The following TFCP2 variants were observed in gnomAD, a reference collection of about 807,000 sequenced individuals.
TFCP2 encodes the protein transcription factor CP2.
TFCP2 carries 33 observed loss-of-function variants against 73.4 expected under a neutral mutation model. The ratio of observed to expected loss-of-function variants is 0.45; its 90% confidence interval spans 0.34 to 0.60. The LOEUF is 0.60. Ranked by LOEUF, TFCP2 falls within the 20% of genes least tolerant of loss-of-function variation. The pLI, the probability that TFCP2 is intolerant of heterozygous loss-of-function variation, is 0.01. For synonymous variants in TFCP2, 193 were observed against 211.6 expected, an observed-to-expected ratio of 0.91 and a Z score of 0.76; for missense variants, 352 against 604.0, an observed-to-expected ratio of 0.58 and a Z score of 4.37.
chr12:51,106,223 G>A (rs1940236149), intron 8 of TFCP2, among the ~76,000 whole-genome samples: 2 of 152,110 alleles, frequency 1.3e-5, no homozygotes, highest in African/African-American at 2.4e-5. Context: ...GTAATAGGGA[G>A]AGGCAAAAAG....
chr12:51,165,226 A>G (rs1941731773), intron 1 of TFCP2, among the ~76,000 whole-genome samples: 1 of 152,116 alleles, frequency 6.6e-6, no homozygotes, highest in Admixed American at 6.6e-5. Context: ...ATAAACCAAT[A>G]TCCCATATGA....
At chr12:51,119,006 T>C (rs1940596815) in intron 1 of TFCP2, among the ~76,000 whole-genome samples, 2 of 152,218 alleles carry the variant, frequency 1.3e-5, no homozygotes, top group Non-Finnish European at 2.9e-5. Flanking sequence ...AGAATGTTTC[T>C]AGGAATCATA....
At chr12:51,171,346 G>C (rs1941857463) in intron 1 of TFCP2, among the ~76,000 whole-genome samples, 1 of 152,116 alleles carries the variant, frequency 6.6e-6, no homozygotes, top group Non-Finnish European at 1.5e-5. Context: ...AGTTATATAG[G>C]CAATAATGTT....
chr12:51,135,336 A>G (rs1163035784), intron 1 of TFCP2, among the ~76,000 whole-genome samples: 1 of 151,962 alleles, frequency 6.6e-6, no homozygotes, highest in African/African-American at 2.4e-5. Context: ...CTGAAGCAGG[A>G]GAATTGCTTG....
chr12:51,145,928 C>T lies in TFCP2; in HGVS notation c.122+26373G>A, dbSNP rs559161876. On this transcript the variant is annotated intron_variant, in intron 1 of 14. Coordinates refer to ENST00000257915, the MANE Select transcript of TFCP2 (RefSeq NM_005653.5). ...GATTGCCACTGCACTCCAGCCTGGT[C>T]GACAGAGCAAGACCCTGTCCCTTCC... 3.3e-5 allele frequency among the ~76,000 whole-genome samples: 5 copies of T among 150,870 alleles called. No homozygotes were observed. The South Asian group carries it at 8.5e-4, about 26-fold the overall frequency.
chr12:51,106,640 T>C (rs1382671264), intron 7 of TFCP2, 27 bp from the exon 8 acceptor site: 1 of 1,586,712 alleles, frequency 6.3e-7, no homozygotes, highest in South Asian at 1.1e-5. Flanking sequence ...AGTTAGATAA[T>C]GAACGAGCAC....
chr12:51,156,798 T>C (rs1012540423), intron 1 of TFCP2: 1 of 152,198 alleles, frequency 6.6e-6, no homozygotes, highest in African/African-American at 2.4e-5. Context: ...TTTGTGTTTC[T>C]AGGATGTGAC....
intron 1 of TFCP2, among the ~76,000 whole-genome samples, chr12:51,128,737 T>C (rs1940871417): frequency 6.6e-6 from 1 of 152,204 alleles, no homozygotes; most frequent in East Asian, 1.9e-4. Context: ...CAGATAAATC[T>C]GGAAGAAGGC....
chr12:51,106,683 A>G (rs55847138), intron 7 of TFCP2, 70 bp from the exon 8 acceptor site: 21 of 1,177,234 alleles, frequency 1.8e-5, no homozygotes, highest in Non-Finnish European at 2.4e-5. Flanking sequence ...AAACATTGTT[A>G]CTTGAATAGC....
chr12:51,172,787 G>A lies in TFCP2; in HGVS notation c.-365C>T. The A allele has an allele frequency of 1.1e-5, 2 of 179,942 alleles. No individual in the cohort carries two copies. Among genetic ancestry groups the A allele is most frequent in the Non-Finnish European group, 2.4e-5 (2 of 83,768 alleles). 11.1% of individuals were successfully genotyped at this position (179,942 alleles called of 1,614,324 possible). A position where few individuals can be genotyped will look rare whatever the true frequency, so the allele number is the denominator to read the frequency against. Reference sequence around the variant, plus strand: ...CTTCCCAGTCAGACCAGCAGCAGCCGCAGGAAGCCAGCCCGGCGCTCCCAC... The same window carrying A: ...CTTCCCAGTCAGACCAGCAGCAGCCACAGGAAGCCAGCCCGGCGCTCCCAC... On this transcript the variant is annotated 5_prime_UTR_variant, in exon 1 of 15. Coordinates refer to ENST00000257915, the MANE Select transcript of TFCP2 (RefSeq NM_005653.5).
intron 5 of TFCP2, among the ~76,000 whole-genome samples, chr12:51,110,059 C>T (rs1250448509): frequency 3.9e-5 from 6 of 151,960 alleles, no homozygotes; most frequent in Admixed American, 3.9e-4. Context: ...ACTGACTACT[C>T]CACAAGATTA....
At chr12:51,150,405 G>A (rs1221842054) in intron 1 of TFCP2, among the ~76,000 whole-genome samples, 3 of 151,682 alleles carry the variant, frequency 2.0e-5, no homozygotes, top group Non-Finnish European at 2.9e-5. Context: ...GCGACAGAGC[G>A]AGCCTCCATC....
At chr12:51,136,231 C>T (rs981712377) in intron 1 of TFCP2, among the ~76,000 whole-genome samples, 1 of 150,524 alleles carries the variant, frequency 6.6e-6, no homozygotes, top group East Asian at 2.0e-4. Flanking sequence ...ATCTCTTGAA[C>T]TTGGGAGGTG....
chr12:51,115,750 C>A (rs1157535985), intron 4 of TFCP2, among the ~76,000 whole-genome samples: 1 of 152,120 alleles, frequency 6.6e-6, no homozygotes, highest in Non-Finnish European at 1.5e-5. Context: ...GTATGCTATA[C>A]CATGAACCTT....
intron 12 of TFCP2, 48 bp downstream of exon 12, chr12:51,099,605 ATC>A (rs1940058437): frequency 1.3e-6 from 2 of 1,597,264 alleles, no homozygotes; most frequent in Middle Eastern, 1.7e-4. Context: ...CCCATAAGTT[ATC>A]TCTTCACCTT....
chr12:51,124,156 C>A (rs998974818), intron 1 of TFCP2, among the ~76,000 whole-genome samples: 1 of 151,634 alleles, frequency 6.6e-6, no homozygotes, highest in African/African-American at 2.4e-5. Flanking sequence ...GGTACAGTGG[C>A]GTGATCAAAG....
chr12:51,107,473 ATCACT>A (rs778973438), intron 6 of TFCP2, 127 bp from the exon 7 acceptor site: 13 of 720,206 alleles, frequency 1.8e-5, no homozygotes, highest in Non-Finnish European at 3.1e-5. Flanking sequence ...GGCAAGACAC[ATCACT>A]TTAAGTTTGA....
intron 1 of TFCP2, among the ~76,000 whole-genome samples, chr12:51,146,379 C>G (rs1414186909): frequency 6.6e-6 from 1 of 151,806 alleles, no homozygotes; most frequent in African/African-American, 2.4e-5. Context: ...CTCCCTCCCC[C>G]ACCCCATACC....
intron 5 of TFCP2, 142 bp downstream of exon 5, chr12:51,110,735 G>T: frequency 3.4e-6 from 2 of 581,880 alleles, no homozygotes; most frequent in Non-Finnish European, 6.1e-6. Context: ...ATGCTCTCAG[G>T]CACAGGTTAA....
Sources: allele counts gnomAD v4.1 joint callset (sites outside exome capture counted in the v4.1 genomes callset), GRCh38; gene constraint gnomAD v4.1.1; transcripts MANE v1.5; gene names NCBI Gene and HGNC (gene_info 2026-07-23, HGNC 2026-07-21).